TRPC5: variants seen among roughly 807,000 people sequenced by gnomAD.
TRPC5 encodes the protein short transient receptor potential channel 5.
In TRPC5, 9 loss-of-function variants were observed where a neutral mutation model predicts 56.5. That is an observed-to-expected ratio of 0.16 (90% CI 0.10 to 0.28). TRPC5 has a LOEUF of 0.28. TRPC5 is among the 10% of genes least tolerant of loss of function. TRPC5 has a pLI of 1.00. For missense variants in TRPC5, 469 were observed against 748.9 expected, an observed-to-expected ratio of 0.63 and a Z score of 4.36; for synonymous variants, 282 against 278.5, an observed-to-expected ratio of 1.01 and a Z score of -0.13.
intron 7 of TRPC5, among the ~76,000 whole-genome samples, chrX:111,806,407 G>A (rs1431132389): frequency 8.9e-6 from 1 of 112,036 alleles, no homozygotes; most frequent in East Asian, 2.8e-4. Context: ...TTACATGGTT[G>A]TTGGCAGGTT....
intron 1 of TRPC5, among the ~76,000 whole-genome samples, chrX:111,971,603 A>G (rs1039932755): frequency 1.5e-4 from 17 of 111,664 alleles, no homozygotes; most frequent in Non-Finnish European, 3.2e-4. Flanking sequence ...TGTGATTTCC[A>G]TCTTAAGGGA....
intron 2 of TRPC5, among the ~76,000 whole-genome samples, chrX:111,921,596 A>T (rs1198168078): frequency 1.8e-5 from 2 of 111,310 alleles, no homozygotes; most frequent in Non-Finnish European, 3.8e-5. Context: ...TCTGTTTAAA[A>T]TCATGTTTTT....
At chrX:111,962,968 A>C (rs1927428567) in intron 1 of TRPC5, among the ~76,000 whole-genome samples, 1 of 111,754 alleles carries the variant, frequency 8.9e-6, no homozygotes, top group Non-Finnish European at 1.9e-5. Context: ...GGAGTGCCAG[A>C]CAGTGGGAGC....
chrX:111,939,198 C>T (rs1368895542), intron 2 of TRPC5, among the ~76,000 whole-genome samples: 2 of 111,825 alleles, frequency 1.8e-5, no homozygotes, highest in African/African-American at 6.5e-5. Context: ...TTATGTATCA[C>T]ATTGATTGAT....
intron 2 of TRPC5, among the ~76,000 whole-genome samples, chrX:111,947,180 C>T (rs746726134): frequency 9.0e-6 from 1 of 111,357 alleles, no homozygotes; most frequent in East Asian, 2.8e-4. Flanking sequence ...GCTGGGAATC[C>T]TGACTTACTC....
At chrX:111,847,571 G>T (rs779364587) in intron 5 of TRPC5, 135 bp from the exon 6 acceptor site, 11 of 524,896 alleles carry the variant, frequency 2.1e-5, no homozygotes, top group Non-Finnish European at 3.3e-5. Flanking sequence ...CAGGCCCCAT[G>T]CATGACACTA....
At chrX:111,978,552 G>A (rs1006162990) in intron 1 of TRPC5, among the ~76,000 whole-genome samples, 4 of 111,382 alleles carry the variant, frequency 3.6e-5, no homozygotes, top group African/African-American at 1.3e-4. Context: ...AGTTATCCCA[G>A]AAAAGTTAAT....
rs111296178 is a variant in TRPC5 at position 111,810,685 on chromosome X, G to A, written c.1896+24236C>T. Among the ~76,000 whole-genome samples, 764 of 111,507 alleles carry A rather than the reference G, an allele frequency of 6.9e-3. 9 individuals are homozygous for A. Among genetic ancestry groups the A allele is most frequent in the African/African-American group, 0.023 (705 of 30,789 alleles). ...GAATCTTGTTCCTGAATGTTATTCA[G>A]TATTCATCTGTGAATATAATACCTA... On this transcript the variant is annotated intron_variant, in intron 7 of 10. Coordinates refer to ENST00000262839, the MANE Select transcript of TRPC5 (RefSeq NM_012471.3).
At chrX:112,076,327 T>A (rs1930833456) in intron 1 of TRPC5, among the ~76,000 whole-genome samples, 2 of 111,463 alleles carry the variant, frequency 1.8e-5, no homozygotes, top group South Asian at 7.6e-4. Flanking sequence ...CTTTATAGAA[T>A]CAAGTGCCTG....
chrX:112,031,369 G>T (rs1209076146), intron 1 of TRPC5, among the ~76,000 whole-genome samples: 1 of 111,588 alleles, frequency 9.0e-6, no homozygotes. Flanking sequence ...CCAAGGACAG[G>T]CATCTGGGAA....
chrX:111,940,647 T>C (rs1247976133), intron 2 of TRPC5, among the ~76,000 whole-genome samples: 1 of 93,517 alleles, frequency 1.1e-5, no homozygotes, highest in East Asian at 3.5e-4. Context: ...GCAGAGATCA[T>C]ACCACTGCAC....
chrX:111,776,087 A>G lies in TRPC5; in HGVS notation c.*226T>C, dbSNP rs1285353172. 1.6e-5 allele frequency: 5 copies of G among 313,178 alleles called. No homozygotes were observed. Among genetic ancestry groups the G allele is most frequent in the Non-Finnish European group, 1.1e-5 (2 of 181,534 alleles). 25.8% of individuals were successfully genotyped at this position (313,178 alleles called of 1,213,427 possible). ...TGCAACACCCCTTCAGTCGGTTGTA[A>G]GATGGACTTAGTGTGTATAGGTATT... is the stretch of plus-strand genomic sequence containing the variant. On this transcript the variant is annotated 3_prime_UTR_variant, in exon 11 of 11. Coordinates refer to ENST00000262839, the MANE Select transcript of TRPC5 (RefSeq NM_012471.3).
intron 1 of TRPC5, among the ~76,000 whole-genome samples, chrX:111,970,900 C>T (rs1488104676): frequency 1.8e-5 from 2 of 108,872 alleles, no homozygotes; most frequent in South Asian, 4.1e-4. Flanking sequence ...CTCCCCAGCT[C>T]CCGATTAGCT....
At chrX:111,958,008 C>T (rs1228098095) in intron 1 of TRPC5, among the ~76,000 whole-genome samples, 2 of 111,635 alleles carry the variant, frequency 1.8e-5, no homozygotes, top group Admixed American at 9.5e-5. Context: ...TAGCAATGAT[C>T]TAGGGATGGT....
chrX:111,784,928 G>A (rs1353339990), intron 7 of TRPC5, among the ~76,000 whole-genome samples: 1 of 112,459 alleles, frequency 8.9e-6, no homozygotes, highest in Non-Finnish European at 1.9e-5. Context: ...CTCGAACTGG[G>A]GGGAGCCCAC....
chrX:112,015,034 A>ATT (rs59820631), intron 1 of TRPC5, among the ~76,000 whole-genome samples: 1 of 85,865 alleles, frequency 1.2e-5, no homozygotes. Context: ...CCTTCTTGCC[A>ATT]TTTTTTTTTT....
intron 1 of TRPC5, among the ~76,000 whole-genome samples, chrX:111,963,361 G>A (rs1208357153): frequency 8.9e-6 from 1 of 112,430 alleles, no homozygotes; most frequent in Non-Finnish European, 1.9e-5. Context: ...ACAGCTCAAG[G>A]AGGCCTTCCT....
chrX:111,839,098 C>G (rs1411904294), intron 6 of TRPC5, among the ~76,000 whole-genome samples: 1 of 111,841 alleles, frequency 8.9e-6, no homozygotes, highest in Non-Finnish European at 1.9e-5. Flanking sequence ...TTCCCTGGAC[C>G]TGCTATTTCT....
intron 3 of TRPC5, among the ~76,000 whole-genome samples, chrX:111,865,602 A>G (rs1923530673): frequency 9.1e-6 from 1 of 109,733 alleles, no homozygotes; most frequent in Non-Finnish European, 1.9e-5. Flanking sequence ...CTGGGATTAC[A>G]GGAGTGAGCC....
Sources: gnomAD v4.1 joint callset for allele counts (sites outside exome capture counted in the v4.1 genomes callset) on GRCh38, gnomAD v4.1.1 for gene constraint, MANE v1.5 for transcripts, NCBI Gene and HGNC (gene_info 2026-07-23, HGNC 2026-07-21) for gene names.